Variants in RBFOX1 observed in about 807,000 individuals in gnomAD.
RBFOX1 encodes RNA binding protein fox-1 homolog 1.
Under a neutral mutation model 57.7 loss-of-function variants are expected in RBFOX1, and 8 were observed. The observed-to-expected ratio is 0.14, with a 90% CI of 0.08 to 0.25. The LOEUF is 0.25. Ranked by LOEUF, RBFOX1 falls within the 10% of genes least tolerant of loss-of-function variation. The pLI is 1.00. For missense variants in RBFOX1, 611 were observed against 548.5 expected (o/e 1.11, Z -1.14); for synonymous variants, 326 against 222.4 (o/e 1.47, Z -4.15).
chr16:5,575,733 C>T (rs1358616869), intron 2 of RBFOX1, among the ~76,000 whole-genome samples: 1 of 152,154 alleles, frequency 6.6e-6, no homozygotes, highest in African/African-American at 2.4e-5. Flanking sequence ...CTGATGCCTC[C>T]CTGTCCAAAT....
chr16:6,314,040 G>C (rs1209830532), intron 1 of RBFOX1, among the ~76,000 whole-genome samples: 3 of 152,132 alleles, frequency 2.0e-5, no homozygotes, highest in Admixed American at 6.5e-5. Flanking sequence ...CTGTAGGTTG[G>C]ATTAAGACCA....
chr16:6,938,577 A>AT (rs762333705), intron 3 of RBFOX1, among the ~76,000 whole-genome samples: 2 of 148,454 alleles, frequency 1.3e-5, no homozygotes, highest in Admixed American at 6.8e-5. Context: ...TTTTCTCTTC[A>AT]TTTTTTTTTC....
At chr16:7,354,016 G>A (rs942133220) in intron 4 of RBFOX1, among the ~76,000 whole-genome samples, 3 of 152,040 alleles carry the variant, frequency 2.0e-5, no homozygotes, top group Admixed American at 6.6e-5. Flanking sequence ...CTGTCACTCA[G>A]GCTGGAGTGC....
At chr16:6,001,412 C>T (rs1371346190) in intron 4 of RBFOX1, among the ~76,000 whole-genome samples, 1 of 152,200 alleles carries the variant, frequency 6.6e-6, no homozygotes, top group African/African-American at 2.4e-5. Flanking sequence ...TAATATTTTA[C>T]AAGTGCCTTC....
At chr16:7,413,880 C>T (rs75982125) in intron 4 of RBFOX1, among the ~76,000 whole-genome samples, 3 of 152,140 alleles carry the variant, frequency 2.0e-5, no homozygotes, top group Non-Finnish European at 2.9e-5. Flanking sequence ...TTGGCTTTTG[C>T]GAGGATTAAT....
intron 1 of RBFOX1, among the ~76,000 whole-genome samples, chr16:5,406,582 C>T (rs887404609): frequency 2.0e-5 from 3 of 152,056 alleles, no homozygotes; most frequent in Non-Finnish European, 4.4e-5. Context: ...TTATTTCTCT[C>T]TCTCTCTCTA....
intron 2 of RBFOX1, among the ~76,000 whole-genome samples, chr16:6,637,453 TATA>T (rs1429061445): frequency 1.9e-5 from 1 of 51,516 alleles, no homozygotes. Context: ...TGTAAATGTA[TATA>T]ATATGTATTA....
intron 4 of RBFOX1, among the ~76,000 whole-genome samples, chr16:5,885,337 A>C (rs1474905733): frequency 2.0e-5 from 3 of 151,014 alleles, no homozygotes; most frequent in South Asian, 4.2e-4. Flanking sequence ...AAAAAAAAAA[A>C]CTCCAAATAC....
intron 2 of RBFOX1, among the ~76,000 whole-genome samples, chr16:6,507,525 A>AAAAAAG: frequency 6.8e-6 from 1 of 147,066 alleles, no homozygotes. Flanking sequence ...AAAAAAAAAA[A>AAAAAAG]GCCTGGCATA....
At chr16:6,020,067 G>A (rs932220538) in intron 1 of RBFOX1, 75 bp downstream of exon 1, 50 of 1,347,354 alleles carry the variant, frequency 3.7e-5, no homozygotes, top group Non-Finnish European at 4.7e-5. Flanking sequence ...CTCATGGAGG[G>A]AAGCGCTAGG....
At chr16:5,708,560 G>T (rs150897979) in intron 3 of RBFOX1, among the ~76,000 whole-genome samples, 58 of 152,230 alleles carry the variant, frequency 3.8e-4, no homozygotes, top group African/African-American at 1.3e-3. Context: ...ACAGAATCCT[G>T]CTTTAAGCAG....
At chr16:6,309,286 G>C (rs1241931428) in intron 1 of RBFOX1, among the ~76,000 whole-genome samples, 1 of 152,088 alleles carries the variant, frequency 6.6e-6, no homozygotes, top group South Asian at 2.1e-4. Context: ...GGGTTCAAAT[G>C]CAATTTCTCT....
At chr16:6,755,931 T>A (rs949196356) in intron 3 of RBFOX1, among the ~76,000 whole-genome samples, 3 of 152,140 alleles carry the variant, frequency 2.0e-5, no homozygotes, top group African/African-American at 7.2e-5. Flanking sequence ...AAACATCCTG[T>A]GTGTTAAGAC....
chr16:5,771,661 G>A (rs2053981247), intron 3 of RBFOX1, among the ~76,000 whole-genome samples: 2 of 152,044 alleles, frequency 1.3e-5, no homozygotes, highest in Admixed American at 6.6e-5. Context: ...CAACTGCTTC[G>A]GCCTCCCAGA....
At chr16:6,602,210 C>A (rs976661045) in intron 2 of RBFOX1, among the ~76,000 whole-genome samples, 1 of 152,082 alleles carries the variant, frequency 6.6e-6, no homozygotes, top group Non-Finnish European at 1.5e-5. Context: ...TTTATACATT[C>A]TCGGTATTCA....
chr16:5,768,010 T>C (rs928779145), intron 3 of RBFOX1, among the ~76,000 whole-genome samples: 7 of 152,164 alleles, frequency 4.6e-5, no homozygotes, highest in Admixed American at 3.9e-4. Context: ...CCCATCAGAA[T>C]GAATGTATAG....
At chr16:6,018,507 C>G (rs1362689339), upstream of RBFOX1, among the ~76,000 whole-genome samples, 1 of 152,082 alleles carries the variant, frequency 6.6e-6, no homozygotes, top group Non-Finnish European at 1.5e-5. Context: ...GCGTCCATTG[C>G]GGGAGTAGGT....
At chr16:6,828,697 A>G (rs1353071375) in intron 3 of RBFOX1, among the ~76,000 whole-genome samples, 4 of 152,008 alleles carry the variant, frequency 2.6e-5, no homozygotes, top group Non-Finnish European at 5.9e-5. Context: ...ATCCTAAGTC[A>G]CTGTGACTTG....
intron 4 of RBFOX1, among the ~76,000 whole-genome samples, chr16:5,902,647 C>A (rs928263982): frequency 6.6e-6 from 1 of 152,094 alleles, no homozygotes; most frequent in Non-Finnish European, 1.5e-5. Context: ...AACTCCTGGC[C>A]TCAAGTGATC....
Sources: allele counts gnomAD v4.1 joint callset (sites outside exome capture counted in the v4.1 genomes callset), GRCh38; gene constraint gnomAD v4.1.1; transcripts MANE v1.5; gene names NCBI Gene and HGNC (gene_info 2026-07-23, HGNC 2026-07-21).